SPTA1: variants seen among roughly 807,000 people sequenced by gnomAD.
SPTA1 encodes spectrin alpha, erythrocytic 1, also known as spectrin alpha chain, erythrocytic 1.
Under a neutral mutation model 324.7 loss-of-function variants are expected in SPTA1, and 177 were observed. That is an observed-to-expected ratio of 0.55 (90% CI 0.48 to 0.62). The LOEUF (loss-of-function observed/expected upper bound fraction) is 0.62, where lower values mean the gene tolerates loss of function less well. SPTA1 is among the 20% of genes least tolerant of loss of function. The pLI is 0.00. For missense variants in SPTA1, 3,162 were observed against 2,883.6 expected, an observed-to-expected ratio of 1.10 and a Z score of -2.21; for synonymous variants, 1,195 against 1,041.3, an observed-to-expected ratio of 1.15 and a Z score of -2.84.
chr1:158,637,736 G>A (rs1169888836), intron 36 of SPTA1, among the ~76,000 whole-genome samples: 1 of 152,172 alleles, frequency 6.6e-6, no homozygotes, highest in Non-Finnish European at 1.5e-5. Context: ...GTGTCTCTGT[G>A]AGTATTGCAT....
intron 20 of SPTA1, 24 bp from the exon 21 acceptor site, chr1:158,654,772 G>A (rs1652707142): frequency 6.2e-7 from 1 of 1,612,120 alleles, no homozygotes; most frequent in Admixed American, 1.7e-5. Flanking sequence ...GGAAGCAGGT[G>A]TCAGTCACGC....
chr1:158,623,493 AG>A (rs1650057061), intron 42 of SPTA1, among the ~76,000 whole-genome samples: 1 of 152,150 alleles, frequency 6.6e-6, no homozygotes. Flanking sequence ...GTGTCATGGG[AG>A]GGAGCCAGTG....
Position 158,677,707 on chromosome 1 carries a change from C to T in SPTA1, c.940G>A (p.Ala314Thr). 1.2e-6 allele frequency: 2 copies of T among 1,613,462 alleles called. No homozygotes were observed. Among genetic ancestry groups the T allele is most frequent in the Admixed American group, 1.7e-5 (1 of 59,908 alleles). Reference protein sequence around the residue: ...HSHKGLERNLAVMSDKVKELC... With the variant: ...HSHKGLERNLTVMSDKVKELC... Reference sequence around the variant, plus strand: ...CGCATTACCTTGTCACTCATGACAGCAAGATTTCTCTCAAGTCCCTTGTGA... The same window carrying T: ...CGCATTACCTTGTCACTCATGACAGTAAGATTTCTCTCAAGTCCCTTGTGA... The change falls in exon 7 of 52, where the codon GCT (alanine) becomes ACT (threonine). Residue 314 changes from alanine (A) to threonine (T), a missense_variant. Transcript: ENST00000643759.
intron 2 of SPTA1, among the ~76,000 whole-genome samples, chr1:158,684,805 T>C (rs1006121628): frequency 2.6e-5 from 4 of 152,168 alleles, no homozygotes; most frequent in Non-Finnish European, 5.9e-5. Flanking sequence ...TTAAAAAATG[T>C]ATATTCTGAA....
intron 47 of SPTA1, 131 bp downstream of exon 47, chr1:158,617,406 A>G: frequency 1.4e-6 from 1 of 735,418 alleles, no homozygotes; most frequent in South Asian, 1.5e-5. Context: ...TCATGATGTG[A>G]TGGCCTATGG....
intron 45 of SPTA1, 110 bp downstream of exon 45, chr1:158,619,112 G>T: frequency 1.9e-6 from 2 of 1,064,828 alleles, no homozygotes; most frequent in Non-Finnish European, 2.9e-6. Flanking sequence ...GGATTTTAGG[G>T]CAGAATACAT....
chr1:158,657,408 C>T (rs572855554), intron 19 of SPTA1, 69 bp downstream of exon 19: 1 of 1,508,150 alleles, frequency 6.6e-7, no homozygotes, highest in African/African-American at 1.4e-5. Flanking sequence ...ACAACCTAAG[C>T]AAACCCTAAA....
intron 10 of SPTA1, among the ~76,000 whole-genome samples, chr1:158,672,869 G>T (rs992016001): frequency 2.0e-5 from 3 of 151,950 alleles, no homozygotes; most frequent in Non-Finnish European, 2.9e-5. Flanking sequence ...GGCCAAGGTG[G>T]GTGGATCACT....
At chr1:158,642,602 T>A (rs1254907154) in intron 32 of SPTA1, 60 bp from the exon 33 acceptor site, 2 of 1,605,990 alleles carry the variant, frequency 1.2e-6, no homozygotes. Flanking sequence ...CAAGATAAGG[T>A]AAATTGTATT....
In SPTA1 at chr1:158,653,283, A is replaced by G. The variant is rs747849970; in HGVS notation, c.3179T>C (p.Ile1060Thr). Residue 1060 changes from isoleucine (I) to threonine (T), a missense_variant, in exon 22 of 52, where the codon ATT (isoleucine) becomes ACT (threonine). Transcript: ENST00000643759. Reference protein sequence around the residue: ...PGNITQRQEQIENQYRSLLDR... With the variant: ...PGNITQRQEQTENQYRSLLDR... ...AGGCTCCAGAACTTACTGGTTCTCA[A>G]TCTGCTCCTGGCGCTGGGTGATGTT... is the stretch of plus-strand genomic sequence containing the variant. The G allele has an allele frequency of 9.3e-6, 15 of 1,614,096 alleles. No individual in the cohort carries two copies. Among genetic ancestry groups the G allele is most frequent in the South Asian group, 2.2e-5 (2 of 91,082 alleles).
In SPTA1 at chr1:158,631,371, C is replaced by T. The variant is rs1650665115; in HGVS notation, c.5565+3172G>A. 5.9e-5 allele frequency among the ~76,000 whole-genome samples: 9 copies of T among 152,186 alleles called. No homozygotes were observed. In the South Asian group the frequency reaches 1.9e-3, roughly 32 times the overall value. ...AACTCAGGAATGGAAAACCAAATGT[C>T]TTACGTTCTCACTTATAAATAGGAG... On this transcript the variant is annotated intron_variant, in intron 39 of 51. Coordinates refer to ENST00000643759, the MANE Select transcript of SPTA1 (RefSeq NM_003126.4).
intron 47 of SPTA1, 146 bp from the exon 48 acceptor site, chr1:158,615,549 T>G: frequency 2.7e-6 from 2 of 736,060 alleles, no homozygotes; most frequent in Non-Finnish European, 4.5e-6. Context: ...GGAAAACCAC[T>G]TCACTTCTAT....
In SPTA1 at chr1:158,622,966, T is replaced by C; in HGVS notation, c.6120+17A>G. 1 of 1,607,218 alleles carries C rather than the reference T, an allele frequency of 6.2e-7. No individual in the cohort carries two copies. Among genetic ancestry groups the C allele is most frequent in the African/African-American group, 1.3e-5 (1 of 74,840 alleles). On this transcript the variant is annotated intron_variant, in intron 43 of 51. Coordinates refer to ENST00000643759, the MANE Select transcript of SPTA1 (RefSeq NM_003126.4). ...CAGGTAACAGAGAACTGATCATGCC[T>C]CATAATTTTTTTAAACCTTCTGTAG...
chr1:158,623,145 G>A lies in SPTA1; in HGVS notation c.5958C>T (p.Pro1986=), dbSNP rs3753068. The change falls in exon 43 of 52, where the codon CCC becomes CCT. Residue 1986 remains proline (P), a synonymous_variant. Coordinates refer to ENST00000643759, the MANE Select transcript of SPTA1 (RefSeq NM_003126.4). ...SLQSFQQERL[P]EITDLKDKLI... ...GTTTGTCCTTCAGGTCAGTGATCTC[G>A]GGAAGTCTCTCTTGCTGGAAACTCT... 0.3 allele frequency: 483,907 copies of A among 1,613,570 alleles called. 74,567 individuals are homozygous for A. The highest frequency in any genetic ancestry group is 0.43 in the African/African-American group (32,257 of 74,870).
At chr1:158,644,420 G>A in intron 29 of SPTA1, 24 bp from the exon 30 acceptor site, 2 of 1,613,462 alleles carry the variant, frequency 1.2e-6, no homozygotes, top group Middle Eastern at 1.7e-4. Context: ...AATGAGAGGG[G>A]TATGGTATAG....
chr1:158,626,269 T>C, intron 41 of SPTA1, 47 bp from the exon 42 acceptor site: 1 of 1,569,798 alleles, frequency 6.4e-7, no homozygotes, highest in South Asian at 1.1e-5. Context: ...TGGTCTTGTT[T>C]GAGTCCTGGG....
intron 21 of SPTA1, 141 bp downstream of exon 21, chr1:158,654,470 C>T (rs1413666017): frequency 9.3e-6 from 11 of 1,179,924 alleles, no homozygotes; most frequent in East Asian, 2.6e-5. Flanking sequence ...AGGAAAAATA[C>T]TACCTAATCA....
At chr1:158,623,294 A>C (rs960708725) in intron 42 of SPTA1, 102 bp from the exon 43 acceptor site, 1 of 980,482 alleles carries the variant, frequency 1.0e-6, no homozygotes, top group African/African-American at 1.6e-5. Flanking sequence ...CTAGGCAAGA[A>C]TTAAGATGAT....
intron 1 of SPTA1, among the ~76,000 whole-genome samples, chr1:158,685,941 G>A (rs1470166107): frequency 1.3e-5 from 2 of 152,096 alleles, no homozygotes; most frequent in East Asian, 3.8e-4. Context: ...TTATTAGCAT[G>A]TCTGCAATTT....
Sources: gnomAD v4.1 joint callset for allele counts (sites outside exome capture counted in the v4.1 genomes callset) on GRCh38, gnomAD v4.1.1 for gene constraint, MANE v1.5 for transcripts, NCBI Gene and HGNC (gene_info 2026-07-23, HGNC 2026-07-21) for gene names.